Variants in NKAIN3 observed in about 807,000 individuals in gnomAD.
NKAIN3 encodes sodium/potassium transporting ATPase interacting 3.
A neutral mutation model predicts 30.2 loss-of-function variants in NKAIN3; 25 were observed. The ratio of observed to expected loss-of-function variants is 0.83; its 90% CI spans 0.60 to 1.16. The LOEUF (loss-of-function observed/expected upper bound fraction) is 1.16. Ranked by LOEUF, NKAIN3 falls within the 50% of genes most tolerant of loss-of-function variation. The pLI is 0.00. For missense variants in NKAIN3, 225 were observed against 254.1 expected, an observed-to-expected ratio of 0.89 and a Z score of 0.78; for synonymous variants, 91 against 89.6, an observed-to-expected ratio of 1.02 and a Z score of -0.09.
chr8:62,685,499 A>G (rs1055542044), intron 3 of NKAIN3, among the ~76,000 whole-genome samples: 12 of 152,210 alleles, frequency 7.9e-5, no homozygotes, highest in African/African-American at 2.7e-4. Context: ...AAAGTAATCA[A>G]TAACAATCAT....
At chr8:62,885,867 G>A (rs893280226) in intron 4 of NKAIN3, among the ~76,000 whole-genome samples, 12 of 152,110 alleles carry the variant, frequency 7.9e-5, no homozygotes, top group Middle Eastern at 3.4e-3. Context: ...TTATCTGTAT[G>A]TGTTTTTACA....
intron 4 of NKAIN3, chr8:62,863,949 CGGTGGTGGT>C: frequency 1.1e-6 from 1 of 927,240 alleles, no homozygotes; most frequent in Non-Finnish European, 1.8e-6. Flanking sequence ...CCAAAGGTGG[CGGTGGTGGT>C]GGTGGAGGTG....
intron 5 of NKAIN3, among the ~76,000 whole-genome samples, chr8:62,932,181 CAAACTT>C (rs1400950886): frequency 2.0e-5 from 3 of 152,130 alleles, no homozygotes; most frequent in Non-Finnish European, 2.9e-5. Flanking sequence ...CATAAATAAA[CAAACTT>C]AAATAGCTAA....
At chr8:62,641,888 A>AT (rs1812318218) in intron 3 of NKAIN3, among the ~76,000 whole-genome samples, 1 of 152,166 alleles carries the variant, frequency 6.6e-6, no homozygotes, top group African/African-American at 2.4e-5. Context: ...AATTTCAGAA[A>AT]TTTTACCTGT....
Position 62,970,655 on chromosome 8 carries a change from G to C in NKAIN3, c.*5248G>C, listed in dbSNP as rs925688079. Among the ~76,000 whole-genome samples the C allele has an allele frequency of 9.9e-5, 15 of 152,148 alleles. No individual in the cohort carries two copies. Among genetic ancestry groups the C allele is most frequent in the African/African-American group, 3.6e-4 (15 of 41,432 alleles). On this transcript the variant is annotated 3_prime_UTR_variant, in exon 7 of 7. Transcript: ENST00000623646. ...GAAAATGGAGAGAAGATGAGGAAGA[G>C]AAAGAGAAAGAAAGGGAATGGACAA... is the stretch of plus-strand genomic sequence containing the variant.
At chr8:62,876,780 A>G (rs1387144926) in intron 4 of NKAIN3, among the ~76,000 whole-genome samples, 1 of 152,050 alleles carries the variant, frequency 6.6e-6, no homozygotes, top group Non-Finnish European at 1.5e-5. Flanking sequence ...TCATGGACAC[A>G]GAGAGGGTAA....
At chr8:62,255,368 G>A (rs945500421) in intron 1 of NKAIN3, among the ~76,000 whole-genome samples, 1 of 152,188 alleles carries the variant, frequency 6.6e-6, no homozygotes, top group Admixed American at 6.5e-5. Flanking sequence ...GAGGATTGGA[G>A]TGAGCCAGGG....
intron 1 of NKAIN3, among the ~76,000 whole-genome samples, chr8:62,330,225 T>TG (rs35006928): frequency 7.3e-5 from 11 of 151,060 alleles, no homozygotes; most frequent in Non-Finnish European, 1.3e-4. Context: ...ATAATGAGGA[T>TG]GGGGGGGTGA....
At chr8:62,954,731 T>G (rs1273692697) in intron 6 of NKAIN3, among the ~76,000 whole-genome samples, 3 of 152,236 alleles carry the variant, frequency 2.0e-5, no homozygotes, top group Non-Finnish European at 4.4e-5. Flanking sequence ...CTAACCACTT[T>G]GCATATATTA....
chr8:62,344,228 A>G (rs1241309670), intron 1 of NKAIN3, among the ~76,000 whole-genome samples: 1 of 152,140 alleles, frequency 6.6e-6, no homozygotes, highest in African/African-American at 2.4e-5. Flanking sequence ...AGAACATTAA[A>G]TGTCAGGTAG....
intron 1 of NKAIN3, among the ~76,000 whole-genome samples, chr8:62,257,823 A>G (rs983031552): frequency 3.9e-5 from 6 of 152,186 alleles, no homozygotes; most frequent in African/African-American, 1.4e-4. Context: ...TTATAAAATA[A>G]TGAATTGCTT....
At chr8:62,755,830 A>G (rs968036954) in intron 4 of NKAIN3, among the ~76,000 whole-genome samples, 1 of 152,144 alleles carries the variant, frequency 6.6e-6, no homozygotes, top group Non-Finnish European at 1.5e-5. Flanking sequence ...CCACTCACCC[A>G]AGGAATCATT....
intron 3 of NKAIN3, among the ~76,000 whole-genome samples, chr8:62,744,647 A>C (rs900209117): frequency 6.6e-6 from 1 of 152,196 alleles, no homozygotes; most frequent in African/African-American, 2.4e-5. Flanking sequence ...GTAAGAAATT[A>C]AATCTGATGA....
chr8:62,961,279 CAA>C (rs77292554), intron 6 of NKAIN3, among the ~76,000 whole-genome samples: 4 of 136,092 alleles, frequency 2.9e-5, no homozygotes, highest in Non-Finnish European at 3.3e-5. Flanking sequence ...GACTCTGTCT[CAA>C]AAAAAAAAAA....
chr8:62,574,345 A>T (rs922455482), intron 1 of NKAIN3, among the ~76,000 whole-genome samples: 9 of 152,172 alleles, frequency 5.9e-5, no homozygotes, highest in African/African-American at 2.2e-4. Context: ...TGCTGCAATA[A>T]ACGTGGGAGT....
intron 1 of NKAIN3, among the ~76,000 whole-genome samples, chr8:62,475,849 C>G (rs1475838032): frequency 3.3e-5 from 5 of 152,132 alleles, no homozygotes; most frequent in African/African-American, 1.2e-4. Context: ...TAATATGAAG[C>G]ACAGTGGAGA....
At chr8:62,249,412 A>G (rs572859377) in intron 1 of NKAIN3, among the ~76,000 whole-genome samples, 1 of 152,322 alleles carries the variant, frequency 6.6e-6, no homozygotes, top group South Asian at 2.1e-4. Flanking sequence ...TCCAGGGGCC[A>G]GGAGCCGGCG....
intron 3 of NKAIN3, among the ~76,000 whole-genome samples, chr8:62,676,580 C>A (rs918172252): frequency 6.6e-6 from 1 of 152,108 alleles, no homozygotes. Context: ...AAAACAAAAA[C>A]AAAGTATACT....
chr8:62,289,056 G>T (rs569338566), intron 1 of NKAIN3, among the ~76,000 whole-genome samples: 3 of 152,252 alleles, frequency 2.0e-5, no homozygotes, highest in African/African-American at 7.2e-5. Flanking sequence ...AGAAGTGTCT[G>T]TTCATATCCT....
Sources: allele counts gnomAD v4.1 joint callset (sites outside exome capture counted in the v4.1 genomes callset), GRCh38; gene constraint gnomAD v4.1.1; transcripts MANE v1.5; gene names NCBI Gene and HGNC (gene_info 2026-07-23, HGNC 2026-07-21).